ATXN10: variants seen among roughly 807,000 people sequenced by gnomAD.
ATXN10 encodes ataxin-10.
In ATXN10, 28 loss-of-function variants were observed where a neutral mutation model predicts 52.9. The observed-to-expected ratio is 0.53, with a 90% CI of 0.39 to 0.73. ATXN10 has a LOEUF of 0.73. ATXN10 is among the 30% of genes least tolerant of loss of function. The pLI is 0.00. For missense variants in ATXN10, 565 were observed against 577.0 expected, an observed-to-expected ratio of 0.98 and a Z score of 0.21; for synonymous variants, 226 against 221.5, an observed-to-expected ratio of 1.02 and a Z score of -0.18.
chr22:45,722,425 A>AG (rs1328235977), intron 6 of ATXN10, among the ~76,000 whole-genome samples: 9 of 152,320 alleles, frequency 5.9e-5, no homozygotes, highest in Middle Eastern at 3.4e-3. Flanking sequence ...CATTTAATGA[A>AG]GGATAGTCTA....
Position 45,733,950 on chromosome 22 carries a change from A to G in ATXN10, c.894+4360A>G, listed in dbSNP as rs1423213533. On this transcript the variant is annotated intron_variant, in intron 7 of 11. Coordinates refer to ENST00000252934, the MANE Select transcript of ATXN10 (RefSeq NM_013236.4). The surrounding 1 kb of genome is among the most constrained non-coding windows in gnomAD (Gnocchi z 4.4). ...TTTTTACTTATGATGTAACTTGTACATCTTTGCACTTTAGCATGTGTATAT... is the reference window on the plus strand; with the variant it reads ...TTTTTACTTATGATGTAACTTGTACGTCTTTGCACTTTAGCATGTGTATAT... Among the ~76,000 whole-genome samples the G allele has an allele frequency of 6.6e-6, 1 of 151,768 alleles. No homozygotes were observed. Among genetic ancestry groups the G allele is most frequent in the African/African-American group, 2.4e-5 (1 of 41,314 alleles).
rs186242268 is a variant in ATXN10 at position 45,775,619 on chromosome 22, T to C, written c.1174-31340T>C. Among the ~76,000 whole-genome samples the C allele has an allele frequency of 6.6e-6, 1 of 152,214 alleles. No homozygotes were observed. Among genetic ancestry groups the C allele is most frequent in the Non-Finnish European group, 1.5e-5 (1 of 68,030 alleles). ...CATGGCTTTCGTCAGTGTTAGCCTG[T>C]GTAATGACACTGTTTTTCTCCTTCG... On this transcript the variant is annotated intron_variant, in intron 9 of 11. Transcript: ENST00000252934. The surrounding 1 kb of genome is among the most constrained non-coding windows in gnomAD (Gnocchi z 4.7).
chr22:45,771,091 T>A (rs969353267), intron 9 of ATXN10, among the ~76,000 whole-genome samples: 5 of 152,222 alleles, frequency 3.3e-5, no homozygotes, highest in African/African-American at 9.6e-5. Flanking sequence ...GTCGCATTCC[T>A]AAGTATTTAC....
rs954098001 is a variant in ATXN10 at position 45,759,933 on chromosome 22, C to T, written c.1173+19395C>T. Reference sequence around the variant, plus strand: ...CAAGGTACAGAGAGCACCTCTATCCCCTCAGAAAGTTTTTTCCATGCTGGC... The same window carrying T: ...CAAGGTACAGAGAGCACCTCTATCCTCTCAGAAAGTTTTTTCCATGCTGGC... On this transcript the variant is annotated intron_variant, in intron 9 of 11. Transcript: ENST00000252934. This position sits in a 1 kb window ranked among gnomAD's most constrained non-coding sequence, Gnocchi z 5.4. Among the ~76,000 whole-genome samples the T allele has an allele frequency of 6.6e-6, 1 of 152,154 alleles. No individual in the cohort carries two copies. Among genetic ancestry groups the T allele is most frequent in the Non-Finnish European group, 1.5e-5 (1 of 68,030 alleles).
Position 45,750,782 on chromosome 22 carries a change from C to T in ATXN10, c.1173+10244C>T, listed in dbSNP as rs1399694221. 6.6e-6 allele frequency among the ~76,000 whole-genome samples: 1 copy of T among 152,128 alleles called. No homozygotes were observed. Among genetic ancestry groups the T allele is most frequent in the Admixed American group, 6.5e-5 (1 of 15,286 alleles). ...CCCAGGAGAAGTTATACGAATTTAC[C>T]ATGTGATAAGGATAATCCAGCAACC... On this transcript the variant is annotated intron_variant, in intron 9 of 11. Coordinates refer to ENST00000252934, the MANE Select transcript of ATXN10 (RefSeq NM_013236.4). The surrounding 1 kb of genome is among the most constrained non-coding windows in gnomAD (Gnocchi z 4.2).
intron 9 of ATXN10, chr22:45,793,540 T>G (rs1927592669): frequency 8.0e-7 from 1 of 1,251,432 alleles, no homozygotes. Flanking sequence ...AATAATTCTG[T>G]CAAGCTCTTC....
chr22:45,695,854 A>G (rs1208583955), intron 3 of ATXN10, among the ~76,000 whole-genome samples: 1 of 152,146 alleles, frequency 6.6e-6, no homozygotes, highest in Admixed American at 6.5e-5. Flanking sequence ...GACAAGAACT[A>G]GAGGTGATGG....
At position 45,781,843 on chromosome 22, in the gene ATXN10, T is replaced by C. The variant is rs1200106356; in HGVS notation, c.1174-25116T>C. On this transcript the variant is annotated intron_variant, in intron 9 of 11. Transcript: ENST00000252934. This position sits in a 1 kb window ranked among gnomAD's most constrained non-coding sequence, Gnocchi z 4.2. ...GAAATAAAAAGCCAAAACTCAGTGA[T>C]TGGGTTCAGTGGCAGAATGGAGATG... 6.6e-6 allele frequency among the ~76,000 whole-genome samples: 1 copy of C among 152,042 alleles called. No individual in the cohort carries two copies. Among genetic ancestry groups the C allele is most frequent in the African/African-American group, 2.4e-5 (1 of 41,402 alleles).
At chr22:45,713,514 G>A (rs1048347592) in intron 5 of ATXN10, among the ~76,000 whole-genome samples, 7 of 152,062 alleles carry the variant, frequency 4.6e-5, no homozygotes, top group African/African-American at 1.4e-4. Flanking sequence ...ACCGTTCCTC[G>A]TCCTTAAAGC....
intron 7 of ATXN10, among the ~76,000 whole-genome samples, chr22:45,737,090 T>G (rs972429381): frequency 3.9e-5 from 6 of 152,194 alleles, no homozygotes; most frequent in African/African-American, 1.4e-4. Flanking sequence ...ACCAGTGAGT[T>G]GGTTTGTTTT....
At chr22:45,691,606 G>A (rs1923379198) in intron 2 of ATXN10, among the ~76,000 whole-genome samples, 1 of 152,192 alleles carries the variant, frequency 6.6e-6, no homozygotes, top group Non-Finnish European at 1.5e-5. Flanking sequence ...AAGCTCAAAA[G>A]CAGTCTGGGC....
At chr22:45,745,141 A>G (rs1409865630) in intron 9 of ATXN10, among the ~76,000 whole-genome samples, 7 of 152,246 alleles carry the variant, frequency 4.6e-5, no homozygotes, top group Non-Finnish European at 8.8e-5. Context: ...TACTAATGCT[A>G]TAAACATGAA....
intron 10 of ATXN10, among the ~76,000 whole-genome samples, chr22:45,832,459 A>T (rs755164298): frequency 2.6e-5 from 4 of 152,122 alleles, no homozygotes; most frequent in Non-Finnish European, 5.9e-5. Context: ...GGCCTTCCCT[A>T]ACTCCCCTCT....
At chr22:45,791,993 G>C (rs1927529174) in intron 9 of ATXN10, among the ~76,000 whole-genome samples, 1 of 151,852 alleles carries the variant, frequency 6.6e-6, no homozygotes, top group African/African-American at 2.4e-5. Context: ...TTTCTTCCCA[G>C]GCACAGTTTA....
At chr22:45,730,814 A>T (rs187411655) in intron 7 of ATXN10, among the ~76,000 whole-genome samples, 8 of 152,248 alleles carry the variant, frequency 5.3e-5, no homozygotes, top group Admixed American at 5.2e-4. Context: ...GCACATTTCC[A>T]CAGCTGTTAT....
intron 7 of ATXN10, among the ~76,000 whole-genome samples, chr22:45,737,137 G>A (rs941321128): frequency 1.3e-5 from 2 of 152,150 alleles, no homozygotes; most frequent in East Asian, 1.9e-4. Context: ...CTGTAAAACC[G>A]CTTGATTTGT....
chr22:45,682,077 A>C (rs1922945400), intron 1 of ATXN10, among the ~76,000 whole-genome samples: 1 of 152,086 alleles, frequency 6.6e-6, no homozygotes, highest in Admixed American at 6.6e-5. Flanking sequence ...CTTAAAAATC[A>C]TCAGTTTTAC....
rs150948754 is a variant in ATXN10 at position 45,731,630 on chromosome 22, A to G, written c.894+2040A>G. 4.8e-3 allele frequency among the ~76,000 whole-genome samples: 726 copies of G among 152,316 alleles called. 4 individuals carry two copies. Among genetic ancestry groups the G allele is most frequent in the Middle Eastern group, 0.014 (4 of 294 alleles). Reference sequence around the variant, plus strand: ...TGGAATCCAGAGTGGATACTCATCCACTGTCCACAGGCGGGAATGTAGAGA... The same window carrying G: ...TGGAATCCAGAGTGGATACTCATCCGCTGTCCACAGGCGGGAATGTAGAGA... On this transcript the variant is annotated intron_variant, in intron 7 of 11. Transcript: ENST00000252934.
intron 10 of ATXN10, among the ~76,000 whole-genome samples, chr22:45,822,666 G>A (rs1057033175): frequency 3.0e-4 from 45 of 151,750 alleles, no homozygotes; most frequent in African/African-American, 1.1e-3. Context: ...GAGTAGCTGG[G>A]ATTACAGGTG....
Sources: gnomAD v4.1 joint callset for allele counts (sites outside exome capture counted in the v4.1 genomes callset) on GRCh38, gnomAD v4.1.1 for gene constraint, Gnocchi (gnomAD v3.1) non-coding constraint, MANE v1.5 for transcripts, NCBI Gene and HGNC (gene_info 2026-07-23, HGNC 2026-07-21) for gene names.